Variants in BRME1 observed in about 807,000 individuals in gnomAD.
The protein encoded by BRME1 is BRCA2 and MEILB2-associating protein 1.
In BRME1, 31 loss-of-function variants were observed where a neutral mutation model predicts 52.6. The observed-to-expected ratio is 0.59, with a 90% confidence interval of 0.44 to 0.80. BRME1 has a LOEUF of 0.80. Ranked by LOEUF, BRME1 falls within the 30% of genes least tolerant of loss-of-function variation. The probability of loss-of-function intolerance (pLI) is 0.00; values close to 1 mark genes in which losing one functional copy is unlikely to be tolerated. For synonymous variants in BRME1, 359 were observed against 353.6 expected, an observed-to-expected ratio of 1.02 and a Z score of -0.17; for missense variants, 804 against 860.3, an observed-to-expected ratio of 0.93 and a Z score of 0.82.
chr19:13,901,803 C>T (rs573299141), intron 2 of BRME1, among the ~76,000 whole-genome samples: 1 of 152,008 alleles, frequency 6.6e-6, no homozygotes, highest in South Asian at 2.1e-4. Context: ...CATTGGGAGG[C>T]CAAGGCAGGT....
intron 7 of BRME1, chr19:13,885,238 CCT>C (rs1238971593): frequency 2.6e-4 from 40 of 152,306 alleles, no homozygotes; most frequent in Non-Finnish European, 4.3e-4. Flanking sequence ...CTCCTCCACC[CCT>C]GCCAGACAGA....
Position 13,882,818 on chromosome 19 carries a change from G to T in BRME1, c.1991C>A (p.Pro664His). Residue 664 changes from proline (P) to histidine (H), a missense_variant, in exon 9 of 9, where the codon CCC becomes CAC. By Grantham distance (77) the Pro-to-His change is moderately conservative (BLOSUM62 -2). Coordinates refer to ENST00000586783, the MANE Select transcript of BRME1 (RefSeq NM_001345843.2). ...CAAAGTGGCCTACAACTCCCTCCAG[G>T]GTGGGTCCCCTCGAGGGATATTCCC... ...GPGNIPRGDP[P>H]WREL 6.2e-7 allele frequency: 1 copy of T among 1,613,970 alleles called. No homozygotes were observed. The highest frequency in any genetic ancestry group is 8.5e-7 in the Non-Finnish European group (1 of 1,179,964).
Position 13,882,869 on chromosome 19 carries a change from GGGGCTTT to G in BRME1, c.1933_1939del (p.Lys645ProfsTer26). 1 of 1,614,034 alleles carries G rather than the reference GGGGCTTT, an allele frequency of 6.2e-7. No individual in the cohort carries two copies. Among genetic ancestry groups the G allele is most frequent in the Non-Finnish European group, 8.5e-7 (1 of 1,179,968 alleles). Reference sequence around the variant, plus strand: ...AGGCCCCTTGGAAGGGTAAGGCAGGGGGGCTTTGCCTCCCAGCTTTGTCTTCCGGTAG... The same window carrying G: ...AGGCCCCTTGGAAGGGTAAGGCAGGGGCCTCCCAGCTTTGTCTTCCGGTAG... On this transcript the variant is annotated frameshift_variant, in exon 9 of 9. Coordinates refer to ENST00000586783, the MANE Select transcript of BRME1 (RefSeq NM_001345843.2). LOFTEE classifies it low-confidence loss of function (END_TRUNC).
chr19:13,892,071 CAA>C (rs575433126), intron 5 of BRME1, among the ~76,000 whole-genome samples: 2 of 136,180 alleles, frequency 1.5e-5, no homozygotes, highest in Non-Finnish European at 1.6e-5. Context: ...GACTCCATCT[CAA>C]AAAAAAAAAA....
At chr19:13,902,959 C>A (rs1466278852) in intron 2 of BRME1, among the ~76,000 whole-genome samples, 1 of 150,796 alleles carries the variant, frequency 6.6e-6, no homozygotes, top group South Asian at 2.1e-4. Context: ...AGCAGTGTAC[C>A]GAGGTTAGAG....
chr19:13,902,815 C>T (rs1432492127), intron 2 of BRME1, among the ~76,000 whole-genome samples: 1 of 151,328 alleles, frequency 6.6e-6, no homozygotes, highest in Non-Finnish European at 1.5e-5. Flanking sequence ...ATCCCAGCTA[C>T]TTGGGAGGCT....
At chr19:13,898,843 A>C (rs1205440671) in intron 2 of BRME1, among the ~76,000 whole-genome samples, 2 of 150,026 alleles carry the variant, frequency 1.3e-5, no homozygotes, top group African/African-American at 2.5e-5. Flanking sequence ...GAATCGCTTG[A>C]ACCCGGGAGG....
intron 2 of BRME1, among the ~76,000 whole-genome samples, chr19:13,903,005 C>G (rs1970406258): frequency 6.6e-6 from 1 of 151,360 alleles, no homozygotes; most frequent in African/African-American, 2.4e-5. Flanking sequence ...TACAGTTGAT[C>G]ACTGTCCTAT....
rs1969636022 is a variant in BRME1 at position 13,893,161 on chromosome 19, G to A, written c.269C>T (p.Ala90Val). ...RLLRQPEKEP[A>V]PLPPSQNSFG... The stretch of plus-strand genomic sequence containing the variant: ...GCTCACCTGGGAAGGAGGAAGGGGA[G>A]CTGGCTCCTTTTCTGGTTGACGGAG... The change falls in exon 4 of 9, where the codon GCT becomes GTT. Residue 90 changes from alanine (A) to valine (V), a missense_variant. Transcript: ENST00000586783. The A allele has an allele frequency of 1.3e-6, 2 of 1,597,054 alleles. No individual in the cohort carries two copies. Among genetic ancestry groups the A allele is most frequent in the South Asian group, 2.3e-5 (2 of 87,640 alleles).
At chr19:13,894,394 G>A (rs886695411) in intron 3 of BRME1, among the ~76,000 whole-genome samples, 5 of 152,050 alleles carry the variant, frequency 3.3e-5, no homozygotes, top group African/African-American at 1.2e-4. Context: ...GTGTGGTGGC[G>A]GGCGCCTTTC....
chr19:13,883,988 G>A lies in BRME1; in HGVS notation c.1764-588C>T, dbSNP rs550941062. Reference sequence around the variant, plus strand: ...GCTGTCTCTCATGTCCCCACACCCCGAATCCCCCAGTAGCATTCAACTCTG... The same window carrying A: ...GCTGTCTCTCATGTCCCCACACCCCAAATCCCCCAGTAGCATTCAACTCTG... On this transcript the variant is annotated intron_variant, in intron 7 of 8. Transcript: ENST00000586783. The surrounding 1 kb of genome is among the most constrained non-coding windows in gnomAD (Gnocchi z 4.2). Among the ~76,000 whole-genome samples the A allele has an allele frequency of 2.2e-4, 34 of 151,750 alleles. No individual in the cohort carries two copies. The highest frequency in any genetic ancestry group is 5.3e-4 in the African/African-American group (22 of 41,360).
chr19:13,903,167 A>C (rs926744934), intron 2 of BRME1, among the ~76,000 whole-genome samples: 3 of 152,292 alleles, frequency 2.0e-5, no homozygotes, highest in Admixed American at 2.0e-4. Flanking sequence ...AGCAGTGTAC[A>C]TTTGTGTACT....
chr19:13,892,376 A>G (rs564898865), intron 5 of BRME1, among the ~76,000 whole-genome samples: 1 of 152,258 alleles, frequency 6.6e-6, no homozygotes, highest in African/African-American at 2.4e-5. Context: ...ACCTGAGGTC[A>G]GGAGTTCAAG....
chr19:13,883,436 C>T lies in BRME1; in HGVS notation c.1764-36G>A. On this transcript the variant is annotated intron_variant, in intron 7 of 8. Coordinates refer to ENST00000586783, the MANE Select transcript of BRME1 (RefSeq NM_001345843.2). The surrounding 1 kb of genome is among the most constrained non-coding windows in gnomAD (Gnocchi z 4.2). Reference sequence around the variant, plus strand: ...GGGAAGGAAATTGAGAGTGGCCCGACCTCACTGGACTACCAGAGCTCTCCA... The same window carrying T: ...GGGAAGGAAATTGAGAGTGGCCCGATCTCACTGGACTACCAGAGCTCTCCA... 5 of 1,448,886 alleles carry T rather than the reference C, an allele frequency of 3.5e-6. No individual in the cohort carries two copies. Among genetic ancestry groups the T allele is most frequent in the Non-Finnish European group, 4.7e-6 (5 of 1,068,670 alleles). 89.8% of individuals were successfully genotyped at this position (1,448,886 alleles called of 1,614,324 possible).
Position 13,882,783 on chromosome 19 carries a change from A to C in BRME1, c.*19T>G. On this transcript the variant is annotated 3_prime_UTR_variant, in exon 9 of 9. Transcript: ENST00000586783. ...ACATGGGGGCTGGGTGGCAAAGGAAACACAGACCTCAAAGTGGCCTACAAC... is the reference window on the plus strand; with the variant it reads ...ACATGGGGGCTGGGTGGCAAAGGAACCACAGACCTCAAAGTGGCCTACAAC... 2.5e-6 allele frequency: 4 copies of C among 1,613,188 alleles called. No individual in the cohort carries two copies. The highest frequency in any genetic ancestry group is 2.5e-6 in the Non-Finnish European group (3 of 1,179,770).
At chr19:13,902,978 T>C (rs1281794528) in intron 2 of BRME1, among the ~76,000 whole-genome samples, 2 of 151,904 alleles carry the variant, frequency 1.3e-5, no homozygotes, top group African/African-American at 2.4e-5. Context: ...AGTCCTGTCC[T>C]GTTTTTCATG....
intron 6 of BRME1, among the ~76,000 whole-genome samples, chr19:13,887,411 C>T (rs1272657383): frequency 6.6e-6 from 1 of 152,200 alleles, no homozygotes; most frequent in Non-Finnish European, 1.5e-5. Flanking sequence ...GCTGCTAATG[C>T]TGGTCGGGTT....
At chr19:13,882,984 C>T in intron 8 of BRME1, 32 bp from the exon 9 acceptor site, 1 of 1,601,476 alleles carries the variant, frequency 6.2e-7, no homozygotes, top group Non-Finnish European at 8.5e-7. Context: ...GCGTGTGGGG[C>T]TCAGTGGTCA....
In BRME1 at chr19:13,904,930, T is replaced by G. The variant is rs145872546; in HGVS notation, c.-21-17A>C. 3,473 of 1,593,998 alleles carry G rather than the reference T, an allele frequency of 2.2e-3. 23 individuals carry two copies. Among genetic ancestry groups the G allele is most frequent in the Middle Eastern group, 0.012 (70 of 6,020 alleles). On this transcript the variant is annotated splice_polypyrimidine_tract_variant and intron_variant, in intron 1 of 8. Transcript: ENST00000586783. Reference sequence around the variant, plus strand: ...TTGAGAAATCTGAAAACAAGCAAAATCTCTCATCATTATAAGCAGTCTCTG... The same window carrying G: ...TTGAGAAATCTGAAAACAAGCAAAAGCTCTCATCATTATAAGCAGTCTCTG...
Sources: allele counts gnomAD v4.1 joint callset (sites outside exome capture counted in the v4.1 genomes callset), GRCh38; gene constraint gnomAD v4.1.1; non-coding constraint Gnocchi (gnomAD v3.1); transcripts MANE v1.5; gene names NCBI Gene and HGNC (gene_info 2026-07-23, HGNC 2026-07-21).